JAZF1: variants seen among roughly 807,000 people sequenced by gnomAD.
The protein encoded by JAZF1 is juxtaposed with another zinc finger protein 1.
JAZF1 carries 8 observed loss-of-function variants against 26.4 expected under a neutral mutation model. The observed-to-expected ratio is 0.30, with a 90% CI of 0.18 to 0.55. The LOEUF (loss-of-function observed/expected upper bound fraction) is 0.55, where lower values mean the gene tolerates loss of function less well. JAZF1 is among the 20% of genes least tolerant of loss of function. JAZF1 has a pLI of 0.94. For synonymous variants in JAZF1, 126 were observed against 122.3 expected (o/e 1.03, Z -0.20); for missense variants, 199 against 322.0 (o/e 0.62, Z 2.92).
chr7:28,166,535 A>G (rs1331605001), intron 1 of JAZF1, among the ~76,000 whole-genome samples: 1 of 152,212 alleles, frequency 6.6e-6, no homozygotes, highest in Admixed American at 6.5e-5. Context: ...CAAACCACAC[A>G]TATAAAATCA....
intron 1 of JAZF1, among the ~76,000 whole-genome samples, chr7:28,084,253 T>C (rs1267687286): frequency 6.6e-6 from 1 of 152,192 alleles, no homozygotes; most frequent in Non-Finnish European, 1.5e-5. Context: ...TTTGCTTTAC[T>C]GATTTTATGG....
intron 1 of JAZF1, among the ~76,000 whole-genome samples, chr7:28,074,290 C>G (rs1246378360): frequency 6.6e-6 from 1 of 152,148 alleles, no homozygotes; most frequent in Non-Finnish European, 1.5e-5. Flanking sequence ...GTAATTATTT[C>G]TTTCATAGGA....
chr7:28,158,684 CT>C (rs1783231127), intron 1 of JAZF1, among the ~76,000 whole-genome samples: 1 of 152,202 alleles, frequency 6.6e-6, no homozygotes, highest in Non-Finnish European at 1.5e-5. Context: ...AGATGCGGGT[CT>C]CATAGGGTGA....
rs192163625 is a variant in JAZF1 at position 28,112,202 on chromosome 7, C to T, written c.115+68261G>A. 1.5e-3 allele frequency among the ~76,000 whole-genome samples: 223 copies of T among 152,286 alleles called. 1 individual carries two copies. The highest frequency in any genetic ancestry group is 5.3e-3 in the African/African-American group (220 of 41,554). ...GAACTTTCTGAAGAAACCTTAGTGGCCTCCAAATTGGCAACGGAAAGAAAC... is the reference window on the plus strand; with the variant it reads ...GAACTTTCTGAAGAAACCTTAGTGGTCTCCAAATTGGCAACGGAAAGAAAC... On this transcript the variant is annotated intron_variant, in intron 1 of 4. Transcript: ENST00000283928.
At chr7:28,051,328 A>G (rs1298202489) in intron 1 of JAZF1, among the ~76,000 whole-genome samples, 2 of 151,342 alleles carry the variant, frequency 1.3e-5, no homozygotes, top group Non-Finnish European at 2.9e-5. Flanking sequence ...GGTTCACATG[A>G]TCTGTCTTAG....
chr7:28,141,561 GC>G (rs1782959302), intron 1 of JAZF1, among the ~76,000 whole-genome samples: 1 of 152,148 alleles, frequency 6.6e-6, no homozygotes, highest in Non-Finnish European at 1.5e-5. Context: ...AATAACACAT[GC>G]CTTAACAACA....
chr7:27,893,299 T>C (rs1307797479), intron 3 of JAZF1, among the ~76,000 whole-genome samples: 1 of 152,254 alleles, frequency 6.6e-6, no homozygotes, highest in Non-Finnish European at 1.5e-5. Flanking sequence ...GGAAAATGGA[T>C]GACAGAGAAA....
chr7:28,078,536 T>C (rs1348589509), intron 1 of JAZF1, among the ~76,000 whole-genome samples: 1 of 152,230 alleles, frequency 6.6e-6, no homozygotes, highest in African/African-American at 2.4e-5. Context: ...GAACTGAAGA[T>C]TGTATTACTA....
intron 1 of JAZF1, among the ~76,000 whole-genome samples, chr7:28,014,642 A>G (rs1759684111): frequency 3.3e-5 from 5 of 152,166 alleles, no homozygotes; most frequent in Admixed American, 3.3e-4. Flanking sequence ...GTGAAACTGT[A>G]AGTTCATTAA....
intron 2 of JAZF1, among the ~76,000 whole-genome samples, 157 bp from the exon 3 acceptor site, chr7:27,895,573 T>C (rs1784049028): frequency 6.6e-6 from 1 of 152,168 alleles, no homozygotes; most frequent in South Asian, 2.1e-4. Flanking sequence ...CCTTTTCCAA[T>C]GCAATGGAAT....
chr7:27,950,334 A>C (rs1784988519), intron 2 of JAZF1, among the ~76,000 whole-genome samples: 2 of 152,200 alleles, frequency 1.3e-5, no homozygotes, highest in South Asian at 4.1e-4. Context: ...TGAGGGACTA[A>C]ATATGCAAAG....
chr7:28,165,585 C>G (rs1783355920), intron 1 of JAZF1, among the ~76,000 whole-genome samples: 1 of 152,170 alleles, frequency 6.6e-6, no homozygotes, highest in Admixed American at 6.5e-5. Context: ...CTATCCCACC[C>G]CCTCAAACAC....
chr7:27,926,597 G>C (rs751426609), intron 2 of JAZF1, among the ~76,000 whole-genome samples: 1 of 152,160 alleles, frequency 6.6e-6, no homozygotes, highest in Non-Finnish European at 1.5e-5. Flanking sequence ...TGCCTTCAAC[G>C]TATGAACACA....
At chr7:27,863,960 G>C (rs1783425150) in intron 3 of JAZF1, 1 of 152,258 alleles carries the variant, frequency 6.6e-6, no homozygotes, top group Admixed American at 6.5e-5. Flanking sequence ...CTTGTGGGCA[G>C]TGGCACTTCC....
At chr7:28,055,252 C>T (rs894497041) in intron 1 of JAZF1, among the ~76,000 whole-genome samples, 1 of 152,050 alleles carries the variant, frequency 6.6e-6, no homozygotes, top group Non-Finnish European at 1.5e-5. Flanking sequence ...ATCACTAACA[C>T]ATTAAAATTC....
At chr7:28,167,657 C>A (rs1315649206) in intron 1 of JAZF1, among the ~76,000 whole-genome samples, 1 of 152,128 alleles carries the variant, frequency 6.6e-6, no homozygotes, top group Non-Finnish European at 1.5e-5. Flanking sequence ...GTTTTTGCCA[C>A]AATAAAAACA....
At chr7:27,894,019 AT>A (rs1218044697) in intron 3 of JAZF1, among the ~76,000 whole-genome samples, 1 of 152,234 alleles carries the variant, frequency 6.6e-6, no homozygotes, top group Non-Finnish European at 1.5e-5. Context: ...GCTTTATGTA[AT>A]AATACAGTTG....
At chr7:27,934,669 A>G (rs575262260) in intron 2 of JAZF1, among the ~76,000 whole-genome samples, 5 of 152,326 alleles carry the variant, frequency 3.3e-5, no homozygotes, top group African/African-American at 9.6e-5. Context: ...GCAAGGTTCA[A>G]AATTCAGTTG....
intron 3 of JAZF1, chr7:27,841,805 A>G (rs1226207608): frequency 6.6e-6 from 1 of 152,156 alleles, no homozygotes; most frequent in African/African-American, 2.4e-5. Flanking sequence ...GCACAATACA[A>G]CCCTGAAGGA....
Sources: allele counts gnomAD v4.1 joint callset (sites outside exome capture counted in the v4.1 genomes callset), GRCh38; gene constraint gnomAD v4.1.1; transcripts MANE v1.5; gene names NCBI Gene and HGNC (gene_info 2026-07-23, HGNC 2026-07-21).